Variants in DACH2 observed in about 807,000 individuals in gnomAD.
DACH2 encodes dachshund homolog 2.
Under a neutral mutation model 35.8 loss-of-function variants are expected in DACH2, and 17 were observed. That is an observed-to-expected ratio of 0.48 (90% CI 0.33 to 0.71). The LOEUF is 0.71. DACH2 is among the 30% of genes least tolerant of loss of function. The probability of loss-of-function intolerance (pLI) is 0.02; values close to 1 mark genes in which losing one functional copy is unlikely to be tolerated. For missense variants in DACH2, 469 were observed against 472.7 expected, an observed-to-expected ratio of 0.99 and a Z score of 0.07; for synonymous variants, 195 against 177.3, an observed-to-expected ratio of 1.10 and a Z score of -0.79.
At chrX:86,600,519 A>G (rs913078994) in intron 3 of DACH2, among the ~76,000 whole-genome samples, 1 of 112,358 alleles carries the variant, frequency 8.9e-6, no homozygotes, top group Non-Finnish European at 1.9e-5. Context: ...TATTGTGCTT[A>G]CAAGGTAATT....
chrX:86,468,773 G>A (rs887366952), intron 2 of DACH2, among the ~76,000 whole-genome samples: 6 of 111,088 alleles, frequency 5.4e-5, no homozygotes, highest in Admixed American at 9.6e-5. Flanking sequence ...AAATTAGTAC[G>A]GCCACTATAC....
At chrX:86,307,385 G>A (rs2034710421) in intron 1 of DACH2, among the ~76,000 whole-genome samples, 1 of 111,843 alleles carries the variant, frequency 8.9e-6, no homozygotes, top group Non-Finnish European at 1.9e-5. Flanking sequence ...TAAAGTGAGG[G>A]CATTTATTGG....
At chrX:86,569,328 G>A (rs1040749336) in intron 3 of DACH2, among the ~76,000 whole-genome samples, 16 of 111,276 alleles carry the variant, frequency 1.4e-4, no homozygotes, top group Non-Finnish European at 2.8e-4. Context: ...TTGAAATTAT[G>A]AAGCCATCCA....
intron 1 of DACH2, among the ~76,000 whole-genome samples, chrX:86,167,311 C>G (rs1293327276): frequency 2.7e-5 from 3 of 110,774 alleles, no homozygotes; most frequent in Non-Finnish European, 5.7e-5. Flanking sequence ...GGAATTTGTT[C>G]ATTTCTTTTA....
intron 1 of DACH2, among the ~76,000 whole-genome samples, chrX:86,264,123 T>C (rs1245714742): frequency 8.9e-6 from 1 of 112,130 alleles, no homozygotes; most frequent in Non-Finnish European, 1.9e-5. Context: ...GTATAGTGTA[T>C]GCTTAAAATA....
At chrX:86,725,182 G>A (rs1404708567) in intron 6 of DACH2, among the ~76,000 whole-genome samples, 1 of 111,192 alleles carries the variant, frequency 9.0e-6, no homozygotes, top group Admixed American at 9.6e-5. Flanking sequence ...CTGTCATTCA[G>A]TAATTTCATT....
chrX:86,321,467 G>A (rs777615946), intron 1 of DACH2, among the ~76,000 whole-genome samples: 1 of 111,845 alleles, frequency 8.9e-6, no homozygotes, highest in Non-Finnish European at 1.9e-5. Flanking sequence ...AACAAGGACA[G>A]TTTAGAATAA....
rs779049633 is a variant in DACH2 at position 86,316,371 on chromosome X, C to T, written c.489-60453C>T. On this transcript the variant is annotated intron_variant, in intron 1 of 11. Coordinates refer to ENST00000373125, the MANE Select transcript of DACH2 (RefSeq NM_053281.3). ...AGTTTGGTGCTCACCCAGGAGACTC[C>T]CCACTCCTTCCGTGCCTGAGTTGTT... Among the ~76,000 whole-genome samples the T allele has an allele frequency of 4.5e-5, 5 of 110,446 alleles. No homozygotes were observed. The East Asian group carries it at 8.6e-4, about 19-fold the overall frequency.
At chrX:86,491,449 G>A (rs1020833144) in intron 2 of DACH2, among the ~76,000 whole-genome samples, 3 of 111,673 alleles carry the variant, frequency 2.7e-5, no homozygotes, top group Admixed American at 9.5e-5. Flanking sequence ...CTTTATTTTG[G>A]CAGCAAATGT....
chrX:86,639,296 C>A (rs1002062016), intron 3 of DACH2, among the ~76,000 whole-genome samples: 1 of 111,246 alleles, frequency 9.0e-6, no homozygotes, highest in Non-Finnish European at 1.9e-5. Context: ...AATGAGCGAC[C>A]CTGGGAAACC....
At chrX:86,479,769 G>A (rs1050136828) in intron 2 of DACH2, among the ~76,000 whole-genome samples, 6 of 111,817 alleles carry the variant, frequency 5.4e-5, no homozygotes, top group African/African-American at 2.0e-4. Context: ...AGATTCTGAT[G>A]CATTCCTCAG....
chrX:86,546,309 C>T (rs746402099), intron 3 of DACH2, among the ~76,000 whole-genome samples: 76 of 98,810 alleles, frequency 7.7e-4, no homozygotes, highest in Admixed American at 2.1e-3. Context: ...CTCCCCAATA[C>T]CTCCTACCTC....
At chrX:86,282,119 T>C (rs1452573665) in intron 1 of DACH2, among the ~76,000 whole-genome samples, 2 of 109,603 alleles carry the variant, frequency 1.8e-5, no homozygotes, top group Non-Finnish European at 3.8e-5. Flanking sequence ...CAAGCTACCA[T>C]TGCCTTTCTT....
intron 1 of DACH2, among the ~76,000 whole-genome samples, chrX:86,332,965 T>A (rs1272977962): frequency 8.9e-6 from 1 of 112,126 alleles, no homozygotes; most frequent in Non-Finnish European, 1.9e-5. Context: ...CAGTAATTTA[T>A]GCTTATTAGT....
intron 1 of DACH2, among the ~76,000 whole-genome samples, chrX:86,205,714 C>T (rs1297179438): frequency 9.4e-6 from 1 of 105,998 alleles, no homozygotes; most frequent in East Asian, 3.0e-4. Flanking sequence ...GCATGCACCA[C>T]CATGCCTGGC....
intron 7 of DACH2, among the ~76,000 whole-genome samples, chrX:86,783,190 G>T (rs1234873381): frequency 3.6e-5 from 4 of 111,902 alleles, no homozygotes; most frequent in Admixed American, 1.9e-4. Flanking sequence ...GATCATCAGA[G>T]AAATGCAAAT....
chrX:86,823,399 C>G (rs2042532134), intron 11 of DACH2, among the ~76,000 whole-genome samples: 1 of 111,995 alleles, frequency 8.9e-6, no homozygotes. Flanking sequence ...ATACACAACT[C>G]CTTTAAGGCC....
In DACH2 at chrX:86,282,817, G is replaced by A. The variant is rs1234674328; in HGVS notation, c.489-94007G>A. On this transcript the variant is annotated intron_variant, in intron 1 of 11. Coordinates refer to ENST00000373125, the MANE Select transcript of DACH2 (RefSeq NM_053281.3). The stretch of plus-strand genomic sequence containing the variant: ...TTTTGAGACGGAGTCTCGCTCTGTC[G>A]CCCAGGCTGGAGTGCAGTGGCGGGA... Among the ~76,000 whole-genome samples the A allele has an allele frequency of 6.0e-3, 99 of 16,377 alleles. 22 individuals are homozygous for A. The highest frequency in any genetic ancestry group is 6.5e-3 in the Admixed American group (5 of 772). 14.2% of individuals were successfully genotyped at this position (16,377 alleles called of 115,157 possible).
chrX:86,151,501 A>G (rs1045006713), intron 1 of DACH2, among the ~76,000 whole-genome samples: 2 of 111,349 alleles, frequency 1.8e-5, no homozygotes, highest in Admixed American at 9.7e-5. Context: ...ATCAGTGAAG[A>G]TGAGGAAAAC....
Sources: gnomAD v4.1 joint callset for allele counts (sites outside exome capture counted in the v4.1 genomes callset) on GRCh38, gnomAD v4.1.1 for gene constraint, MANE v1.5 for transcripts, NCBI Gene and HGNC (gene_info 2026-07-23, HGNC 2026-07-21) for gene names.